Variants in DSCAM observed in about 807,000 individuals in gnomAD.
The protein encoded by DSCAM is DS cell adhesion molecule, also known as cell adhesion molecule DSCAM.
A neutral mutation model predicts 217.7 loss-of-function variants in DSCAM; 47 were observed. That is an observed-to-expected ratio of 0.22 (90% CI 0.17 to 0.28). The LOEUF (loss-of-function observed/expected upper bound fraction) is 0.28. Ranked by LOEUF, DSCAM falls within the 10% of genes least tolerant of loss-of-function variation. The pLI is 1.00. For synonymous variants in DSCAM, 1,056 were observed against 1,015.3 expected (o/e 1.04, Z -0.76); for missense variants, 2,080 against 2,618.3 (o/e 0.79, Z 4.49).
At chr21:40,674,627 TTTTTC>T (rs1201534621) in intron 3 of DSCAM, among the ~76,000 whole-genome samples, 1,652 of 49,190 alleles carry the variant, frequency 0.034, 48 homozygotes, top group African/African-American at 0.081. Flanking sequence ...TTTCTTTTTC[TTTTTC>T]TTTTTTTTTT....
chr21:40,051,426 A>G (rs908162922), intron 30 of DSCAM, among the ~76,000 whole-genome samples: 8 of 152,228 alleles, frequency 5.3e-5, no homozygotes, highest in African/African-American at 1.7e-4. Flanking sequence ...CAGTGTGTTC[A>G]GGGGCAAAAG....
intron 1 of DSCAM, among the ~76,000 whole-genome samples, chr21:40,800,612 T>C (rs111231427): frequency 7.9e-5 from 12 of 152,320 alleles, no homozygotes; most frequent in African/African-American, 2.9e-4. Flanking sequence ...AATAATTTGG[T>C]TGAAGCGTGT....
intron 3 of DSCAM, among the ~76,000 whole-genome samples, chr21:40,389,626 A>G (rs2123750974): frequency 6.6e-6 from 1 of 152,328 alleles, no homozygotes; most frequent in African/African-American, 2.4e-5. Context: ...CAGAATCTGG[A>G]TTTATCTGAC....
intron 11 of DSCAM, among the ~76,000 whole-genome samples, chr21:40,236,952 C>T (rs967905002): frequency 2.0e-5 from 3 of 152,160 alleles, no homozygotes; most frequent in African/African-American, 4.8e-5. Flanking sequence ...CCAACTCTCC[C>T]GTCAACTCCT....
At chr21:40,360,518 T>A (rs997030694) in intron 4 of DSCAM, among the ~76,000 whole-genome samples, 6 of 152,138 alleles carry the variant, frequency 3.9e-5, no homozygotes, top group Admixed American at 1.3e-4. Flanking sequence ...TTTGTGTCCA[T>A]GTGTGGTCAA....
At chr21:40,566,021 AG>A (rs1214197299) in intron 3 of DSCAM, among the ~76,000 whole-genome samples, 1 of 152,212 alleles carries the variant, frequency 6.6e-6, no homozygotes, top group Non-Finnish European at 1.5e-5. Flanking sequence ...TCAAACCAAA[AG>A]GGTTTAAGTC....
chr21:40,105,742 T>TA (rs2089811365), intron 20 of DSCAM, among the ~76,000 whole-genome samples: 1 of 152,128 alleles, frequency 6.6e-6, no homozygotes, highest in African/African-American at 2.4e-5. Context: ...GATAAACTTA[T>TA]AAAAAACAAC....
intron 3 of DSCAM, among the ~76,000 whole-genome samples, chr21:40,526,049 C>G (rs2076397972): frequency 6.6e-6 from 1 of 152,140 alleles, no homozygotes; most frequent in Admixed American, 6.5e-5. Flanking sequence ...CTTTTCTTTC[C>G]CATGTCCGTT....
intron 11 of DSCAM, among the ~76,000 whole-genome samples, chr21:40,255,809 G>A (rs1043354163): frequency 3.3e-5 from 5 of 152,168 alleles, no homozygotes; most frequent in Non-Finnish European, 7.3e-5. Context: ...CAGCTGGCAG[G>A]GAAGCAGCGA....
chr21:40,232,839 G>C (rs921183754), intron 11 of DSCAM, among the ~76,000 whole-genome samples: 2 of 152,066 alleles, frequency 1.3e-5, no homozygotes, highest in African/African-American at 4.8e-5. Context: ...TATTTAAGGA[G>C]TCATAATAAT....
At chr21:40,017,163 A>G (rs3901224) in intron 32 of DSCAM, among the ~76,000 whole-genome samples, 21,703 of 151,998 alleles carry the variant, frequency 0.14, 2,129 homozygotes, top group African/African-American at 0.27. Flanking sequence ...TCAAGCCCTA[A>G]AAATGCATTT....
intron 3 of DSCAM, among the ~76,000 whole-genome samples, chr21:40,491,732 C>T (rs182981336): frequency 7.8e-4 from 118 of 152,248 alleles, no homozygotes; most frequent in Non-Finnish European, 1.3e-3. Context: ...AAGACCTTTG[C>T]CTAGCTTCTC....
chr21:40,457,307 T>A (rs1042309140), intron 3 of DSCAM, among the ~76,000 whole-genome samples: 2 of 151,882 alleles, frequency 1.3e-5, no homozygotes, highest in Non-Finnish European at 2.9e-5. Context: ...AGCCTAGGAG[T>A]TCGAGACCAG....
intron 20 of DSCAM, among the ~76,000 whole-genome samples, chr21:40,100,469 CA>C (rs2089735850): frequency 6.6e-6 from 1 of 152,084 alleles, no homozygotes; most frequent in South Asian, 2.1e-4. Context: ...GATTTTCCAA[CA>C]CAACAATCCA....
At chr21:40,171,330 A>G (rs905868337) in intron 15 of DSCAM, among the ~76,000 whole-genome samples, 4 of 152,072 alleles carry the variant, frequency 2.6e-5, no homozygotes, top group Non-Finnish European at 5.9e-5. Context: ...CGCCCGCCTC[A>G]GCCTCCCAAA....
chr21:40,189,764 C>T (rs1257251385), intron 11 of DSCAM, among the ~76,000 whole-genome samples: 1 of 152,182 alleles, frequency 6.6e-6, no homozygotes, highest in Non-Finnish European at 1.5e-5. Flanking sequence ...TAGGATGTGA[C>T]TTGCTCCTCC....
chr21:40,162,957 A>G (rs1427533290), intron 16 of DSCAM, among the ~76,000 whole-genome samples: 1 of 152,170 alleles, frequency 6.6e-6, no homozygotes, highest in South Asian at 2.1e-4. Flanking sequence ...ATTTTATATC[A>G]ATAGGAAAAA....
intron 16 of DSCAM, among the ~76,000 whole-genome samples, chr21:40,158,596 G>A (rs556423547): frequency 6.6e-6 from 1 of 152,070 alleles, no homozygotes; most frequent in Non-Finnish European, 1.5e-5. Flanking sequence ...ACGGGCCCAC[G>A]GGAGCAACAC....
At chr21:40,713,370 C>T (rs1166611688) in intron 1 of DSCAM, among the ~76,000 whole-genome samples, 2 of 152,164 alleles carry the variant, frequency 1.3e-5, no homozygotes, top group Non-Finnish European at 2.9e-5. Flanking sequence ...TGTGTTGTGT[C>T]ACAGTTACAT....
Sources: gnomAD v4.1 joint callset for allele counts (sites outside exome capture counted in the v4.1 genomes callset) on GRCh38, gnomAD v4.1.1 for gene constraint, MANE v1.5 for transcripts, NCBI Gene and HGNC (gene_info 2026-07-23, HGNC 2026-07-21) for gene names.